Variants in ANKRD26 observed in about 807,000 individuals in gnomAD.
ANKRD26 encodes the protein ankyrin repeat domain 26.
In ANKRD26, 141 loss-of-function variants were observed where a neutral mutation model predicts 208.7. The ratio of observed to expected loss-of-function variants is 0.68; its 90% CI spans 0.59 to 0.78. The LOEUF (loss-of-function observed/expected upper bound fraction) is 0.78. ANKRD26 is among the 30% of genes least tolerant of loss of function. The pLI, the probability that ANKRD26 is intolerant of heterozygous loss-of-function variation, is 0.00. For missense variants in ANKRD26, 1,889 were observed against 1,938.7 expected, an observed-to-expected ratio of 0.97 and a Z score of 0.48; for synonymous variants, 636 against 660.4, an observed-to-expected ratio of 0.96 and a Z score of 0.57.
At chr10:26,971,881 G>A (rs2052147934), downstream of ANKRD26, among the ~76,000 whole-genome samples, 1 of 151,984 alleles carries the variant, frequency 6.6e-6, no homozygotes, top group Non-Finnish European at 1.5e-5. Context: ...TCTCTACCGT[G>A]CAGTTTCTGC....
intron 12 of ANKRD26, among the ~76,000 whole-genome samples, chr10:27,063,584 G>A: frequency 6.6e-6 from 1 of 152,174 alleles, no homozygotes; most frequent in South Asian, 2.1e-4. Flanking sequence ...GCCTCCCAAA[G>A]TGTTGGGATT....
At chr10:27,085,013 T>C (rs2056063924) in intron 5 of ANKRD26, among the ~76,000 whole-genome samples, 1 of 152,248 alleles carries the variant, frequency 6.6e-6, no homozygotes, top group Non-Finnish European at 1.5e-5. Context: ...TGATAATCTT[T>C]TGGCTAATGA....
At chr10:27,073,789 G>A (rs1300545014) in intron 9 of ANKRD26, among the ~76,000 whole-genome samples, 2 of 152,228 alleles carry the variant, frequency 1.3e-5, no homozygotes, top group East Asian at 1.9e-4. Context: ...GATAAGATTC[G>A]TGAGACTTCT....
intron 6 of ANKRD26, chr10:27,080,062 CAGA>C (rs1190720837): frequency 3.2e-5 from 13 of 403,816 alleles, no homozygotes; most frequent in South Asian, 1.4e-4. Context: ...GAGGTGGAGG[CAGA>C]AGAATTGTGT....
At chr10:26,962,310 C>T in the ANKRD26 span, among the ~76,000 whole-genome samples, 1 of 152,106 alleles carries the variant, frequency 6.6e-6, no homozygotes, top group Non-Finnish European at 1.5e-5. Flanking sequence ...AGGTACAGCC[C>T]ACGCCTGTAA....
intron 6 of ANKRD26, chr10:27,080,638 C>G: frequency 2.0e-6 from 2 of 985,438 alleles, no homozygotes; most frequent in Non-Finnish European, 2.4e-6. Context: ...TTCCTATAAG[C>G]TCCCACTTAC....
At chr10:27,069,345 G>A (rs894807424) in intron 9 of ANKRD26, among the ~76,000 whole-genome samples, 2 of 152,136 alleles carry the variant, frequency 1.3e-5, no homozygotes, top group Admixed American at 6.6e-5. Context: ...TACTTCCTAG[G>A]TGTTATTTAC....
chr10:26,974,441 C>T (rs2052195477), exon 6 of ANKRD26, among the ~76,000 whole-genome samples: 1 of 151,532 alleles, frequency 6.6e-6, no homozygotes, highest in African/African-American at 2.4e-5. Flanking sequence ...CCCGGGTTCA[C>T]ACCATTCTCC....
At chr10:26,972,072 A>G (rs1015497815), downstream of ANKRD26, among the ~76,000 whole-genome samples, 1 of 151,882 alleles carries the variant, frequency 6.6e-6, no homozygotes, top group South Asian at 2.1e-4. Flanking sequence ...CGTCTCTACT[A>G]AAAATACAAA....
intron 5 of ANKRD26, among the ~76,000 whole-genome samples, chr10:26,978,000 G>A: frequency 6.6e-6 from 1 of 152,168 alleles, no homozygotes; most frequent in Non-Finnish European, 1.5e-5. Flanking sequence ...TGCTTCTTTT[G>A]ACTTTGCAAA....
intron 20 of ANKRD26, 76 bp downstream of exon 20, chr10:27,043,350 T>C (rs1442541144): frequency 1.8e-5 from 27 of 1,539,768 alleles, no homozygotes; most frequent in Admixed American, 8.5e-5. Context: ...GTATGCTAAA[T>C]GTACATACAT....
intron 23 of ANKRD26, among the ~76,000 whole-genome samples, 178 bp from the exon 24 acceptor site, chr10:27,035,930 A>G (rs182611205): frequency 2.9e-4 from 44 of 152,200 alleles, no homozygotes; most frequent in African/African-American, 1.0e-3. Context: ...AAACTCCCAA[A>G]AGTTCAAAAA....
chr10:27,060,771 A>C (rs77771171), intron 13 of ANKRD26, among the ~76,000 whole-genome samples: 1 of 152,190 alleles, frequency 6.6e-6, no homozygotes, highest in African/African-American at 2.4e-5. Flanking sequence ...TGAATGTAAG[A>C]TTATGTTCCA....
At chr10:26,993,472 T>G (rs1430740624) in intron 5 of ANKRD26, among the ~76,000 whole-genome samples, 1 of 152,128 alleles carries the variant, frequency 6.6e-6, no homozygotes, top group Non-Finnish European at 1.5e-5. Flanking sequence ...TCTGGCTGAG[T>G]TGGCCTAATA....
At chr10:26,991,716 C>G (rs140946358), downstream of ANKRD26, among the ~76,000 whole-genome samples, 1 of 152,192 alleles carries the variant, frequency 6.6e-6, no homozygotes, top group Non-Finnish European at 1.5e-5. Flanking sequence ...GCTGGGATTA[C>G]GGGTGTGAAC....
At chr10:27,056,808 C>G (rs954748159) in intron 15 of ANKRD26, among the ~76,000 whole-genome samples, 4 of 152,018 alleles carry the variant, frequency 2.6e-5, no homozygotes, top group Admixed American at 2.6e-4. Flanking sequence ...AAAGTCATAA[C>G]TATGATATTA....
the ANKRD26 span, among the ~76,000 whole-genome samples, chr10:26,961,180 G>A: frequency 4.0e-5 from 6 of 149,566 alleles, no homozygotes; most frequent in African/African-American, 1.2e-4. Context: ...TCATACCACT[G>A]CACTCCAGCC....
intron 18 of ANKRD26, 50 bp downstream of exon 18, chr10:27,046,303 A>G (rs769716158): frequency 1.3e-6 from 2 of 1,581,270 alleles, no homozygotes; most frequent in Admixed American, 1.7e-5. Flanking sequence ...TCAGAAAAAA[A>G]TTACTACTAA....
chr10:26,959,794 G>A, the ANKRD26 span, among the ~76,000 whole-genome samples: 1 of 152,066 alleles, frequency 6.6e-6, no homozygotes, highest in Non-Finnish European at 1.5e-5. Flanking sequence ...ATGCACTGTT[G>A]AGGTTCCTCC....
Sources: gnomAD v4.1 joint callset for allele counts (sites outside exome capture counted in the v4.1 genomes callset) on GRCh38, gnomAD v4.1.1 for gene constraint, MANE v1.5 for transcripts, NCBI Gene and HGNC (gene_info 2026-07-23, HGNC 2026-07-21) for gene names.